TEKT3: variants seen among roughly 807,000 people sequenced by gnomAD.
TEKT3 encodes the protein tektin-3.
A neutral mutation model predicts 49.8 loss-of-function variants in TEKT3; 49 were observed. The ratio of observed to expected loss-of-function variants is 0.98; its 90% CI spans 0.78 to 1.25. The LOEUF (loss-of-function observed/expected upper bound fraction) is 1.25. Ranked by LOEUF, TEKT3 falls within the 50% of genes most tolerant of loss-of-function variation. The pLI, the probability that TEKT3 is intolerant of heterozygous loss-of-function variation, is 0.00. For synonymous variants in TEKT3, 225 were observed against 237.2 expected (o/e 0.95, Z 0.47); for missense variants, 595 against 629.5 (o/e 0.95, Z 0.59).
chr17:15,313,996 C>A, intron 6 of TEKT3, 91 bp downstream of exon 6: 1 of 1,570,974 alleles, frequency 6.4e-7, no homozygotes, highest in Non-Finnish European at 8.7e-7. Flanking sequence ...TCTTACCTTG[C>A]TTTCCATTTT....
At chr17:15,321,813 T>A (rs1264424246) in intron 4 of TEKT3, among the ~76,000 whole-genome samples, 2 of 152,154 alleles carry the variant, frequency 1.3e-5, no homozygotes, top group Non-Finnish European at 2.9e-5. Flanking sequence ...AAACAAAACA[T>A]GGAATCATGT....
At chr17:15,338,267 C>T (rs1912069689) in intron 2 of TEKT3, among the ~76,000 whole-genome samples, 1 of 152,060 alleles carries the variant, frequency 6.6e-6, no homozygotes, top group Admixed American at 6.5e-5. Context: ...ATACAAATAA[C>T]CAAAACTGAT....
chr17:15,304,002 G>T lies in TEKT3; in HGVS notation c.1407C>A (p.Asp469Glu). 1 of 1,614,092 alleles carries T rather than the reference G, an allele frequency of 6.2e-7. No homozygotes were observed. Among genetic ancestry groups the T allele is most frequent in the Non-Finnish European group, 8.5e-7 (1 of 1,180,042 alleles). Residue 469 changes from aspartate to glutamate, a missense_variant, in exon 9 of 9, where the codon GAC (aspartate) becomes GAA (glutamate). Transcript: ENST00000395930. The surrounding 1 kb of genome is among the most constrained non-coding windows in gnomAD (Gnocchi z 4.7). ...LAVKANSLYI[D>E]QEKCMSMRKS... ...TGCGCATGCTCATGCATTTTTCCTG[G>T]TCGATGTACAGGGAATTGGCTTTGA...
intron 2 of TEKT3, among the ~76,000 whole-genome samples, chr17:15,335,166 T>C (rs1476228700): frequency 6.6e-6 from 1 of 152,058 alleles, no homozygotes; most frequent in African/African-American, 2.4e-5. Flanking sequence ...CTTTTGTGAG[T>C]TGAGAAAGTG....
chr17:15,313,963 G>C, intron 6 of TEKT3, 124 bp downstream of exon 6: 2 of 1,360,920 alleles, frequency 1.5e-6, no homozygotes, highest in Non-Finnish European at 2.0e-6. Context: ...TCCAAAGCTG[G>C]GTGTGTTTCT....
rs1290111170 is a variant in TEKT3, at chr17:15,331,102, G to A, written c.484C>T (p.His162Tyr). ...TCTCCAATCATTTCATCCAACTCAT[G>A]AATGATTTCAGATTTCCAAAACCCT... is the stretch of plus-strand genomic sequence containing the variant. Reference protein sequence around the residue: ...DIGFWKSEIIHELDEMIGETN... With the variant: ...DIGFWKSEIIYELDEMIGETN... The change falls in exon 3 of 9, where the codon CAT (histidine) becomes TAT (tyrosine). Residue 162 changes from histidine (H) to tyrosine (Y), a missense_variant. His to Tyr is a moderately conservative substitution (Grantham distance 83). Transcript: ENST00000395930. The A allele has an allele frequency of 1.9e-6, 3 of 1,614,158 alleles. No homozygotes were observed. Among genetic ancestry groups the A allele is most frequent in the Non-Finnish European group, 8.5e-7 (1 of 1,180,024 alleles).
chr17:15,318,559 G>C (rs1441214345), intron 5 of TEKT3, among the ~76,000 whole-genome samples: 1 of 152,090 alleles, frequency 6.6e-6, no homozygotes, highest in Admixed American at 6.5e-5. Flanking sequence ...TCTTGAGACA[G>C]AGTCTGTCTC....
intron 7 of TEKT3, chr17:15,310,857 C>T (rs1172026884): frequency 6.6e-6 from 1 of 152,166 alleles, no homozygotes; most frequent in Non-Finnish European, 1.5e-5. Flanking sequence ...TCTTCTACAA[C>T]CTGTCTTCAA....
intron 2 of TEKT3, among the ~76,000 whole-genome samples, chr17:15,333,253 C>T (rs565661404): frequency 1.3e-5 from 2 of 152,208 alleles, no homozygotes; most frequent in African/African-American, 4.8e-5. Context: ...ACAATCAGAT[C>T]CAATTCTATG....
intron 5 of TEKT3, among the ~76,000 whole-genome samples, chr17:15,316,437 G>T (rs60259810): frequency 0.015 from 2,338 of 152,236 alleles, 68 homozygotes; most frequent in African/African-American, 0.053. Flanking sequence ...TGCCTTGAGA[G>T]TGTGGAATGA....
chr17:15,312,525 T>A, intron 6 of TEKT3, 44 bp from the exon 7 acceptor site: 1 of 1,571,524 alleles, frequency 6.4e-7, no homozygotes, highest in Non-Finnish European at 8.7e-7. Context: ...GAGTGATGAA[T>A]CAGCCTACAG....
chr17:15,328,790 TTCTAACAATAAA>T (rs1317481998), intron 3 of TEKT3, among the ~76,000 whole-genome samples: 4 of 152,190 alleles, frequency 2.6e-5, no homozygotes, highest in Non-Finnish European at 5.9e-5. Context: ...CAGCTTAAAT[TTCTAACAATAAA>T]TTATGTATGA....
At chr17:15,327,464 C>T (rs926801610) in intron 4 of TEKT3, among the ~76,000 whole-genome samples, 2 of 151,228 alleles carry the variant, frequency 1.3e-5, no homozygotes, top group South Asian at 2.1e-4. Context: ...TGCAGTGAGC[C>T]GAGATTGTGC....
intron 4 of TEKT3, among the ~76,000 whole-genome samples, chr17:15,324,009 G>A (rs1218663033): frequency 6.6e-6 from 1 of 152,148 alleles, no homozygotes; most frequent in Non-Finnish European, 1.5e-5. Flanking sequence ...TCGCCGAGTT[G>A]TATAATCATC....
chr17:15,330,512 T>G (rs1911678353), intron 3 of TEKT3, among the ~76,000 whole-genome samples: 1 of 152,156 alleles, frequency 6.6e-6, no homozygotes, highest in African/African-American at 2.4e-5. Context: ...CCGTTCTCTC[T>G]TGCCCCTGGA....
At chr17:15,338,915 A>G (rs1912116062) in intron 2 of TEKT3, among the ~76,000 whole-genome samples, 1 of 152,120 alleles carries the variant, frequency 6.6e-6, no homozygotes, top group East Asian at 1.9e-4. Flanking sequence ...CTTTGGAAAA[A>G]TGACTGAAAA....
At chr17:15,308,183 G>A (rs968308493) in intron 8 of TEKT3, among the ~76,000 whole-genome samples, 4 of 152,090 alleles carry the variant, frequency 2.6e-5, no homozygotes, top group Admixed American at 6.5e-5. Context: ...CTTTTCTGTC[G>A]CGTTCCCCAT....
Position 15,331,024 on chromosome 17 carries a change from T to C in TEKT3, c.562A>G (p.Thr188Ala). 1 of 1,611,648 alleles carries C rather than the reference T, an allele frequency of 6.2e-7. No homozygotes were observed. Among genetic ancestry groups the C allele is most frequent in the South Asian group, 1.1e-5 (1 of 90,552 alleles). ...KKRLERALME[T>A]EAPLQVAREC... The stretch of plus-strand genomic sequence containing the variant: ...GGTCTTACCTGAAGAGGGGCTTCAG[T>C]CTCCATCAAAGCCCGCTCCAGTCTT... Residue 188 changes from threonine (T) to alanine (A), a missense_variant, in exon 3 of 9, where the codon ACT becomes GCT. Coordinates refer to ENST00000395930, the MANE Select transcript of TEKT3 (RefSeq NM_031898.3).
chr17:15,306,564 A>G (rs2150731100), intron 8 of TEKT3, among the ~76,000 whole-genome samples: 1 of 152,294 alleles, frequency 6.6e-6, no homozygotes, highest in East Asian at 1.9e-4. Context: ...ATAGGAAAAA[A>G]AAAAAAAAGA....
Sources: allele counts gnomAD v4.1 joint callset (sites outside exome capture counted in the v4.1 genomes callset), GRCh38; gene constraint gnomAD v4.1.1; non-coding constraint Gnocchi (gnomAD v3.1); transcripts MANE v1.5; gene names NCBI Gene and HGNC (gene_info 2026-07-23, HGNC 2026-07-21).